PLA2G6: variants seen among roughly 807,000 people sequenced by gnomAD.
PLA2G6 encodes phospholipase A2 group VI.
PLA2G6 carries 62 observed loss-of-function variants against 83.8 expected under a neutral mutation model. The ratio of observed to expected loss-of-function variants is 0.74; its 90% CI spans 0.60 to 0.91. PLA2G6 has a LOEUF of 0.91. Among genes scored for constraint, PLA2G6 ranks in the 40% least tolerant of loss-of-function variants. The pLI is 0.00. For missense variants in PLA2G6, 944 were observed against 1,102.0 expected, an observed-to-expected ratio of 0.86 and a Z score of 2.03; for synonymous variants, 417 against 449.8, an observed-to-expected ratio of 0.93 and a Z score of 0.92.
At chr22:38,117,962 G>A (rs1383394694) in intron 12 of PLA2G6, among the ~76,000 whole-genome samples, 1 of 151,390 alleles carries the variant, frequency 6.6e-6, no homozygotes, top group African/African-American at 2.4e-5. Context: ...CTTGAACCTG[G>A]GAAGCAGAAA....
rs1382008784 is a variant in PLA2G6 at position 38,123,262 on chromosome 22, CA to C, written c.1428-5del. The C allele has an allele frequency of 1.9e-6, 3 of 1,557,724 alleles. No homozygotes were observed. The highest frequency in any genetic ancestry group is 2.6e-6 in the Non-Finnish European group (3 of 1,150,404). On this transcript the variant is annotated splice_polypyrimidine_tract_variant and splice_region_variant and intron_variant, in intron 10 of 16. Transcript: ENST00000332509. This position sits in a 1 kb window ranked among gnomAD's most constrained non-coding sequence, Gnocchi z 4.1. ...CAGGCACAGCAGGTGGTCGTGGCTG[CA>C]GTGGGAACAGCAGTGGGAGAGAGGA...
rs11570683 is a variant in PLA2G6 at position 38,132,166 on chromosome 22, C to G, written c.1077+665G>C. The G allele has an allele frequency of 1.3e-5, 6 of 453,146 alleles. No homozygotes were observed. In the Admixed American group the frequency reaches 1.4e-4, roughly 11 times the overall value. The allele number at this position is 453,146 out of a possible 1,614,324, so 28.1% of individuals were successfully genotyped here. A position where few individuals can be genotyped will look rare whatever the true frequency, so the allele number is the denominator to read the frequency against. Reference sequence around the variant, plus strand: ...TATGTCTGTAACACAGTAACGTCCTCCTCTGCTAGGTTTAATATGTTCATA... The same window carrying G: ...TATGTCTGTAACACAGTAACGTCCTGCTCTGCTAGGTTTAATATGTTCATA... On this transcript the variant is annotated intron_variant, in intron 7 of 16. Transcript: ENST00000332509. This position sits in a 1 kb window ranked among gnomAD's most constrained non-coding sequence, Gnocchi z 5.0.
chr22:38,162,315 G>A (rs1397901992), intron 2 of PLA2G6, among the ~76,000 whole-genome samples: 1 of 152,102 alleles, frequency 6.6e-6, no homozygotes, highest in Non-Finnish European at 1.5e-5. Context: ...TTCTGGGGTG[G>A]TGATGCCAGG....
chr22:38,168,991 C>T (rs1384162101), intron 2 of PLA2G6, among the ~76,000 whole-genome samples: 2 of 152,178 alleles, frequency 1.3e-5, no homozygotes, highest in African/African-American at 4.8e-5. Flanking sequence ...CCAGAAACAA[C>T]CCAGGCTTCC....
In PLA2G6 at chr22:38,115,551, C is replaced by T. The variant is rs769434263; in HGVS notation, c.2010G>A (p.Glu670=). The part of the protein sequence containing the change: ...PTLDAMTEIH[E]YNQDLIRKGQ... ...CCTTGCGGATCAGGTCCTGATTGTACTCATGGATCTCGGTCATGGCATCCA... is the reference window on the plus strand; with the variant it reads ...CCTTGCGGATCAGGTCCTGATTGTATTCATGGATCTCGGTCATGGCATCCA... Residue 670 remains glutamate (E), a synonymous_variant, in exon 14 of 17, where the codon GAG becomes GAA. Coordinates refer to ENST00000332509, the MANE Select transcript of PLA2G6 (RefSeq NM_003560.4). 6.2e-7 allele frequency: 1 copy of T among 1,613,608 alleles called. No individual in the cohort carries two copies. The highest frequency in any genetic ancestry group is 1.1e-5 in the South Asian group (1 of 90,970).
At chr22:38,142,766 C>T (rs1369850194) in intron 4 of PLA2G6, 16 of 393,344 alleles carry the variant, frequency 4.1e-5, no homozygotes, top group South Asian at 1.8e-4. Context: ...CGCTGGCCCA[C>T]GAGCCCCTCC....
intron 12 of PLA2G6, among the ~76,000 whole-genome samples, chr22:38,116,675 G>T (rs547275392): frequency 6.6e-6 from 1 of 151,600 alleles, no homozygotes; most frequent in African/African-American, 2.4e-5. Context: ...GCCAACATGG[G>T]GAAACCCCGT....
At chr22:38,169,592 G>A (rs1456460987) in intron 1 of PLA2G6, 121 bp from the exon 2 acceptor site, 2 of 660,102 alleles carry the variant, frequency 3.0e-6, no homozygotes, top group East Asian at 5.5e-5. Flanking sequence ...CCCAGATCCT[G>A]GGCCTGGAGG....
At position 38,114,659 on chromosome 22, in the gene PLA2G6, C is replaced by T. The variant is rs547448071; in HGVS notation, c.2034+868G>A. On this transcript the variant is annotated intron_variant, in intron 14 of 16. Transcript: ENST00000332509. The stretch of plus-strand genomic sequence containing the variant: ...CCGCCTGCAGGAAGCCCGCCCTGCC[C>T]GATCTGGCCCCTAGAGGGCGCTTCT... 1.0e-3 allele frequency among the ~76,000 whole-genome samples: 158 copies of T among 152,286 alleles called. 1 individual carries two copies. The highest frequency in any genetic ancestry group is 6.8e-3 in the Middle Eastern group (2 of 294).
rs762458355 is a variant in PLA2G6, at chr22:38,169,229, CTG to C, written c.196_197del (p.Gln66GlufsTer13). 3 of 1,613,456 alleles carry C rather than the reference CTG, an allele frequency of 1.9e-6. No individual in the cohort carries two copies. The highest frequency in any genetic ancestry group is 2.2e-5 in the South Asian group (2 of 91,040). The part of the protein sequence containing the change: ...DCVLVNPRNS[Q>X]SGFRLFQLEL... ...TGAGCATCACCCACCGGAATCCACTCTGTGAGTTCCTGGGGTTGACCAGGACG... is the reference window on the plus strand; with the variant it reads ...TGAGCATCACCCACCGGAATCCACTCTGAGTTCCTGGGGTTGACCAGGACG... On this transcript the variant is annotated frameshift_variant, in exon 2 of 17. Transcript: ENST00000332509. LOFTEE classifies it high-confidence loss of function.
At chr22:38,139,942 G>C (rs772803160) in intron 5 of PLA2G6, 40 bp downstream of exon 5, 6 of 1,478,018 alleles carry the variant, frequency 4.1e-6, no homozygotes, top group Admixed American at 2.0e-5. Context: ...GAGAGCTGGA[G>C]CCCAGCAGGC....
chr22:38,127,133 G>A (rs1448969362), intron 9 of PLA2G6: 50 of 1,127,250 alleles, frequency 4.4e-5, no homozygotes, highest in Non-Finnish European at 5.3e-5. Flanking sequence ...AGCAGCCCGC[G>A]TGACCCCAAC....
Position 38,143,087 on chromosome 22 carries a change from GC to G in PLA2G6, c.609+17del. 2 of 1,611,780 alleles carry G rather than the reference GC, an allele frequency of 1.2e-6. No homozygotes were observed. The highest frequency in any genetic ancestry group is 8.5e-7 in the Non-Finnish European group (1 of 1,177,934). ...GGGAGGTATCAGTACCAGTCACCCT[GC>G]CCCTCCCCCTGCTCACCTGCAGCAC... is the stretch of plus-strand genomic sequence containing the variant. On this transcript the variant is annotated intron_variant, in intron 4 of 16. Coordinates refer to ENST00000332509, the MANE Select transcript of PLA2G6 (RefSeq NM_003560.4).
chr22:38,113,342 C>A, intron 15 of PLA2G6, 145 bp downstream of exon 15: 1 of 812,794 alleles, frequency 1.2e-6, no homozygotes, highest in South Asian at 1.5e-5. Context: ...GAACTGTGGA[C>A]TCTCTCTCCC....
rs907752329 is a variant in PLA2G6, at chr22:38,112,833, C to T, written c.2203-256G>A. The T allele has an allele frequency of 8.5e-6, 5 of 586,534 alleles. No individual in the cohort carries two copies. In the Admixed American group the frequency reaches 1.2e-4, roughly 14 times the overall value. 36.3% of individuals were successfully genotyped at this position (586,534 alleles called of 1,614,324 possible). ...GGATGATGAGTGGGGGAAAGGGTAGCGGCTGAGTCGACAGGCCTCCATGTC... is the reference window on the plus strand; with the variant it reads ...GGATGATGAGTGGGGGAAAGGGTAGTGGCTGAGTCGACAGGCCTCCATGTC... On this transcript the variant is annotated intron_variant, in intron 15 of 16. Coordinates refer to ENST00000332509, the MANE Select transcript of PLA2G6 (RefSeq NM_003560.4).
rs898213599 is a variant in PLA2G6 at position 38,123,871 on chromosome 22, T to C, written c.1428-613A>G. Among the ~76,000 whole-genome samples, 2 of 152,172 alleles carry C rather than the reference T, an allele frequency of 1.3e-5. No homozygotes were observed. The highest frequency in any genetic ancestry group is 1.3e-4 in the Admixed American group (2 of 15,278). On this transcript the variant is annotated intron_variant, in intron 10 of 16. Coordinates refer to ENST00000332509, the MANE Select transcript of PLA2G6 (RefSeq NM_003560.4). The surrounding 1 kb of genome is among the most constrained non-coding windows in gnomAD (Gnocchi z 4.1). ...TTATTTAGAGACGGAGTTTCACTCT[T>C]GTTGCCCAGGCTGGAGTGCAATAAC...
At chr22:38,126,579 C>A in intron 9 of PLA2G6, 130 bp from the exon 10 acceptor site, 2 of 702,834 alleles carry the variant, frequency 2.8e-6, no homozygotes, top group Non-Finnish European at 5.2e-6. Context: ...CTCCCCCTGT[C>A]ATCTGTCCCT....
intron 5 of PLA2G6, 27 bp from the exon 6 acceptor site, chr22:38,135,111 G>A (rs2088472374): frequency 2.0e-6 from 3 of 1,534,256 alleles, no homozygotes; most frequent in South Asian, 2.2e-5. Context: ...CCCGGTTGGT[G>A]AGCAGAAGCT....
At chr22:38,174,497 G>C (rs1219898640) in intron 1 of PLA2G6, among the ~76,000 whole-genome samples, 4 of 152,190 alleles carry the variant, frequency 2.6e-5, no homozygotes, top group Admixed American at 2.6e-4. Context: ...GAGTTCCCTG[G>C]AAGTGACTAC....
Sources: gnomAD v4.1 joint callset for allele counts (sites outside exome capture counted in the v4.1 genomes callset) on GRCh38, gnomAD v4.1.1 for gene constraint, Gnocchi (gnomAD v3.1) non-coding constraint, MANE v1.5 for transcripts, NCBI Gene and HGNC (gene_info 2026-07-23, HGNC 2026-07-21) for gene names.